Variants in PREX2 observed in about 807,000 individuals in gnomAD.
PREX2 encodes the protein phosphatidylinositol-3,4,5-trisphosphate dependent Rac exchange factor 2, also known as phosphatidylinositol 3,4,5-trisphosphate-dependent Rac exchanger 2 protein.
PREX2 carries 107 observed loss-of-function variants against 203.2 expected under a neutral mutation model. The ratio of observed to expected loss-of-function variants is 0.53; its 90% CI spans 0.45 to 0.62. PREX2 has a LOEUF of 0.62. Ranked by LOEUF, PREX2 falls within the 20% of genes least tolerant of loss-of-function variation. PREX2 has a pLI of 0.00. For synonymous variants in PREX2, 672 were observed against 663.6 expected (o/e 1.01, Z -0.19); for missense variants, 1,777 against 1,955.9 (o/e 0.91, Z 1.72).
At chr8:68,058,543 C>T (rs921334602) in intron 10 of PREX2, among the ~76,000 whole-genome samples, 3 of 152,018 alleles carry the variant, frequency 2.0e-5, no homozygotes, top group Admixed American at 2.0e-4. Context: ...AAGTTATTCT[C>T]CTGTCTCAGC....
At chr8:67,972,201 G>C (rs899075886) in intron 1 of PREX2, among the ~76,000 whole-genome samples, 1 of 152,068 alleles carries the variant, frequency 6.6e-6, no homozygotes, top group Non-Finnish European at 1.5e-5. Flanking sequence ...ATGAGTAATC[G>C]CCCTTGATTT....
chr8:68,203,479 A>T (rs1812547910), intron 37 of PREX2, among the ~76,000 whole-genome samples: 1 of 152,160 alleles, frequency 6.6e-6, no homozygotes, highest in Non-Finnish European at 1.5e-5. Context: ...GGAGGTGATT[A>T]GTACAGAGAG....
At position 68,109,413 on chromosome 8, in the gene PREX2, C is replaced by T; in HGVS notation, c.2939-3C>T. 6.2e-7 allele frequency: 1 copy of T among 1,609,568 alleles called. No homozygotes were observed. The highest frequency in any genetic ancestry group is 2.2e-5 in the East Asian group (1 of 44,812). On this transcript the variant is annotated splice_region_variant and splice_polypyrimidine_tract_variant and intron_variant, in intron 24 of 39. Coordinates refer to ENST00000288368, the MANE Select transcript of PREX2 (RefSeq NM_024870.4). ...TTACTAAGGAATGACTTTAATTCCT[C>T]AGGGAAACTGAGCCCTATGGTGTAC...
intron 35 of PREX2, among the ~76,000 whole-genome samples, chr8:68,179,336 A>AT (rs139002746): frequency 0.017 from 2,550 of 150,238 alleles, 43 homozygotes; most frequent in African/African-American, 0.04. Context: ...ATAGGTTGGG[A>AT]TTTTTTTTTT....
chr8:67,952,723 G>C (rs1179914382), intron 1 of PREX2, 188 bp downstream of exon 1: 3 of 771,854 alleles, frequency 3.9e-6, no homozygotes, highest in Non-Finnish European at 4.4e-6. Flanking sequence ...GGATTTGTTG[G>C]TGCCCCGAGA....
rs566270359 is a variant in PREX2, at chr8:68,158,155, A to G, written c.4346+719A>G. Among the ~76,000 whole-genome samples the G allele has an allele frequency of 3.3e-4, 49 of 150,126 alleles. 1 individual carries two copies. The South Asian group carries it at 5.9e-3, about 18-fold the overall frequency. ...TATATACACACATATATGAATATAT[A>G]TGTGTATATATATTCACACACACAT... On this transcript the variant is annotated intron_variant, in intron 35 of 39. Transcript: ENST00000288368.
chr8:67,954,990 A>G (rs1457718968), intron 1 of PREX2, among the ~76,000 whole-genome samples: 2 of 151,818 alleles, frequency 1.3e-5, no homozygotes, highest in Non-Finnish European at 2.9e-5. Context: ...TAAAAATACA[A>G]AAAATTAGCC....
rs1372641862 is a variant in PREX2 at position 67,952,503 on chromosome 8, G to T, written c.109G>T (p.Asp37Tyr). ...CAGCGAGCTCCAGAAGACCGAGCGG[G>T]ACTATGTGGGCACGCTGGAGTTCCT... ...VLSELQKTER[D>Y]YVGTLEFLVS... The change falls in exon 1 of 40, where the codon GAC (aspartate) becomes TAC (tyrosine). Residue 37 changes from aspartate (D) to tyrosine (Y), a missense_variant. Physicochemically the swap from Asp to Tyr is radical, Grantham distance 160 (BLOSUM62 -3). Coordinates refer to ENST00000288368, the MANE Select transcript of PREX2 (RefSeq NM_024870.4). 2 of 1,610,348 alleles carry T rather than the reference G, an allele frequency of 1.2e-6. No individual in the cohort carries two copies. Among genetic ancestry groups the T allele is most frequent in the Non-Finnish European group, 1.7e-6 (2 of 1,178,412 alleles).
At chr8:68,105,652 C>T in intron 23 of PREX2, 1 of 783,986 alleles carries the variant, frequency 1.3e-6, no homozygotes, top group Admixed American at 1.1e-4. Context: ...CATAACATTT[C>T]AGTAAATGAC....
At chr8:68,112,368 A>AG (rs35275591) in intron 25 of PREX2, among the ~76,000 whole-genome samples, 1 of 152,166 alleles carries the variant, frequency 6.6e-6, no homozygotes, top group Non-Finnish European at 1.5e-5. Context: ...CAGGGAGGAA[A>AG]GGGGACTGGT....
chr8:68,098,936 GTGTATATATATATATATATATA>G (rs992539587), intron 22 of PREX2, among the ~76,000 whole-genome samples: 3 of 74,866 alleles, frequency 4.0e-5, no homozygotes, highest in African/African-American at 1.5e-4. Flanking sequence ...ACATATATAT[GTGTATATATATATATATATATA>G]TATATATATA....
intron 37 of PREX2, among the ~76,000 whole-genome samples, chr8:68,196,733 C>T (rs202069022): frequency 6.6e-5 from 10 of 150,672 alleles, no homozygotes; most frequent in Non-Finnish European, 4.4e-5. Flanking sequence ...CTCCCCCCCC[C>T]AACTCTCTCT....
At chr8:68,215,011 A>G (rs1812805604) in intron 37 of PREX2, among the ~76,000 whole-genome samples, 1 of 152,228 alleles carries the variant, frequency 6.6e-6, no homozygotes, top group Non-Finnish European at 1.5e-5. Context: ...AAATACACAT[A>G]TCCATTTGAA....
chr8:68,078,779 A>T (rs1290714570), intron 15 of PREX2, among the ~76,000 whole-genome samples: 4 of 145,504 alleles, frequency 2.7e-5, no homozygotes, highest in African/African-American at 7.7e-5. Flanking sequence ...AAAAGTTTCA[A>T]TTTTTTTTCT....
At position 68,216,677 on chromosome 8, in the gene PREX2, A is replaced by G. The variant is rs536216667; in HGVS notation, c.4605-939A>G. On this transcript the variant is annotated intron_variant, in intron 37 of 39. Transcript: ENST00000288368. Reference sequence around the variant, plus strand: ...AACATAAAAGAATGCCTTAAAGAAAAGGAAAAGAACAGCCGGGCACAGTGT... The same window carrying G: ...AACATAAAAGAATGCCTTAAAGAAAGGGAAAAGAACAGCCGGGCACAGTGT... Among the ~76,000 whole-genome samples the G allele has an allele frequency of 3.9e-4, 60 of 152,296 alleles. 1 individual carries two copies. Among genetic ancestry groups the G allele is most frequent in the Non-Finnish European group, 5.6e-4 (38 of 68,024 alleles).
chr8:68,120,108 A>C, intron 28 of PREX2, 88 bp from the exon 29 acceptor site: 1 of 869,278 alleles, frequency 1.2e-6, no homozygotes. Flanking sequence ...TGTTGCTTTA[A>C]GAAAAAATAT....
chr8:68,107,718 C>A (rs1810446675), intron 23 of PREX2, among the ~76,000 whole-genome samples: 1 of 152,144 alleles, frequency 6.6e-6, no homozygotes, highest in Non-Finnish European at 1.5e-5. Flanking sequence ...CCCTGTTTTG[C>A]CATTTTGCCT....
intron 9 of PREX2, among the ~76,000 whole-genome samples, chr8:68,055,122 T>C (rs1269277021): frequency 1.3e-5 from 2 of 152,238 alleles, no homozygotes; most frequent in African/African-American, 4.8e-5. Flanking sequence ...CTCTGAGCTT[T>C]GTTTCCAAAG....
chr8:68,167,382 G>A (rs1253223915), intron 35 of PREX2, among the ~76,000 whole-genome samples: 2 of 149,902 alleles, frequency 1.3e-5, no homozygotes, highest in African/African-American at 2.5e-5. Flanking sequence ...AGGCTGGAGT[G>A]CAGTGCAGTG....
Sources: allele counts gnomAD v4.1 joint callset (sites outside exome capture counted in the v4.1 genomes callset), GRCh38; gene constraint gnomAD v4.1.1; transcripts MANE v1.5; gene names NCBI Gene and HGNC (gene_info 2026-07-23, HGNC 2026-07-21).